AKR1C8: variants seen among roughly 807,000 people sequenced by gnomAD.
The protein encoded by AKR1C8 is aldo-keto reductase family 1 member C-like protein 1.
chr10:5,117,804 A>T, the AKR1C8 span, among the ~76,000 whole-genome samples: 1 of 152,156 alleles, frequency 6.6e-6, no homozygotes, highest in Non-Finnish European at 1.5e-5. Flanking sequence ...TCTTTTTAAC[A>T]AGCAGCTATG....
the AKR1C8 span, among the ~76,000 whole-genome samples, chr10:5,153,852 G>A: frequency 6.6e-6 from 1 of 152,104 alleles, no homozygotes; most frequent in Admixed American, 6.6e-5. Flanking sequence ...TATCAGACAT[G>A]TTGTTTAGAA....
chr10:5,137,222 A>G, the AKR1C8 span, among the ~76,000 whole-genome samples: 1 of 152,156 alleles, frequency 6.6e-6, no homozygotes, highest in African/African-American at 2.4e-5. Context: ...TCCCATCTGC[A>G]GCTCCCAGCG....
chr10:5,129,954 G>T, the AKR1C8 span, among the ~76,000 whole-genome samples: 116 of 151,718 alleles, frequency 7.6e-4, no homozygotes, highest in African/African-American at 2.5e-3. Context: ...AACGAGGAAA[G>T]GACATAACAA....
the AKR1C8 span, among the ~76,000 whole-genome samples, chr10:5,115,880 G>C: frequency 6.6e-6 from 1 of 152,132 alleles, no homozygotes; most frequent in Non-Finnish European, 1.5e-5. Context: ...AAATACTCAT[G>C]ACAATTACCG....
At chr10:5,176,202 C>T in the AKR1C8 span, among the ~76,000 whole-genome samples, 1 of 146,852 alleles carries the variant, frequency 6.8e-6, no homozygotes, top group Admixed American at 6.9e-5. Flanking sequence ...ATATGGCTAG[C>T]CAGTTTTCCC....
the AKR1C8 span, among the ~76,000 whole-genome samples, chr10:5,118,078 A>C: frequency 6.6e-6 from 1 of 152,204 alleles, no homozygotes; most frequent in African/African-American, 2.4e-5. Flanking sequence ...ACCAACTTAA[A>C]ATTCCAAAGT....
the AKR1C8 span, among the ~76,000 whole-genome samples, chr10:5,146,436 G>A: frequency 2.6e-4 from 40 of 152,018 alleles, no homozygotes; most frequent in African/African-American, 9.4e-4. Flanking sequence ...ATTAGCTCAG[G>A]TATTTGAAAT....
At chr10:5,138,400 A>G in the AKR1C8 span, among the ~76,000 whole-genome samples, 5 of 152,076 alleles carry the variant, frequency 3.3e-5, no homozygotes, top group African/African-American at 1.2e-4. Flanking sequence ...AAAGAAAAAT[A>G]TGGCTCTTTT....
the AKR1C8 span, chr10:5,158,802 AT>A: frequency 2.2e-6 from 1 of 452,708 alleles, no homozygotes; most frequent in South Asian, 1.6e-5. Flanking sequence ...GTAATACTAC[AT>A]TAATAGATGT....
the AKR1C8 span, among the ~76,000 whole-genome samples, chr10:5,135,826 C>A: frequency 6.6e-6 from 1 of 151,980 alleles, no homozygotes; most frequent in Admixed American, 6.6e-5. Context: ...ACATTAAAAC[C>A]AAAGAAAATT....
the AKR1C8 span, among the ~76,000 whole-genome samples, chr10:5,162,254 C>T: frequency 2.1e-4 from 32 of 152,202 alleles, no homozygotes; most frequent in African/African-American, 7.0e-4. Flanking sequence ...TTAGAGGATT[C>T]ATCCACCAAA....
At chr10:5,153,372 T>C in the AKR1C8 span, among the ~76,000 whole-genome samples, 6 of 152,206 alleles carry the variant, frequency 3.9e-5, no homozygotes, top group African/African-American at 1.2e-4. Flanking sequence ...TTTTGAATAA[T>C]AGTTGCTTGC....
the AKR1C8 span, among the ~76,000 whole-genome samples, chr10:5,147,270 C>T: frequency 6.6e-6 from 1 of 152,108 alleles, no homozygotes; most frequent in East Asian, 1.9e-4. Flanking sequence ...GGATCTGTCC[C>T]AATGACCATA....
chr10:5,177,293 T>C, the AKR1C8 span, among the ~76,000 whole-genome samples: 1 of 152,054 alleles, frequency 6.6e-6, no homozygotes, highest in Non-Finnish European at 1.5e-5. Context: ...TTGATTTGCA[T>C]ATATTGAACC....
At chr10:5,158,415 G>A in the AKR1C8 span, among the ~76,000 whole-genome samples, 1 of 152,194 alleles carries the variant, frequency 6.6e-6, no homozygotes, top group Non-Finnish European at 1.5e-5. Context: ...AGATGAAACA[G>A]GAAGGAAAGA....
chr10:5,167,813 T>A, the AKR1C8 span, among the ~76,000 whole-genome samples: 1 of 152,104 alleles, frequency 6.6e-6, no homozygotes, highest in South Asian at 2.1e-4. Flanking sequence ...GCTTATCTGG[T>A]AAATTGTATA....
At chr10:5,177,895 G>A in the AKR1C8 span, among the ~76,000 whole-genome samples, 3 of 151,950 alleles carry the variant, frequency 2.0e-5, no homozygotes, top group African/African-American at 7.3e-5. Flanking sequence ...TCTGGCTAGT[G>A]GTCTATAAAT....
the AKR1C8 span, among the ~76,000 whole-genome samples, chr10:5,133,601 C>G: frequency 6.6e-6 from 1 of 152,142 alleles, no homozygotes; most frequent in African/African-American, 2.4e-5. Context: ...CCAAGATTTA[C>G]CTGGGTACTG....
At chr10:5,146,342 T>G in the AKR1C8 span, among the ~76,000 whole-genome samples, 1 of 151,900 alleles carries the variant, frequency 6.6e-6, no homozygotes. Context: ...AAACTTAAAG[T>G]ATAATAATAA....
Sources: allele counts gnomAD v4.1 joint callset (sites outside exome capture counted in the v4.1 genomes callset), GRCh38; gene constraint gnomAD v4.1.1; transcripts MANE v1.5; gene names NCBI Gene and HGNC (gene_info 2026-07-23, HGNC 2026-07-21).